The following CFAP54 variants were observed in gnomAD, a reference collection of about 807,000 sequenced individuals.
The protein encoded by CFAP54 is cilia- and flagella-associated protein 54.
CFAP54 carries 290 observed loss-of-function variants against 370.4 expected under a neutral mutation model. The observed-to-expected ratio is 0.78, with a 90% CI of 0.71 to 0.86. The LOEUF is 0.86. Ranked by LOEUF, CFAP54 falls within the 40% of genes least tolerant of loss-of-function variation. CFAP54 has a pLI of 0.00. For synonymous variants in CFAP54, 1,206 were observed against 1,236.5 expected, an observed-to-expected ratio of 0.98 and a Z score of 0.52; for missense variants, 3,399 against 3,528.7, an observed-to-expected ratio of 0.96 and a Z score of 0.93.
chr12:96,817,711 C>A (rs764767279), intron 64 of CFAP54, 64 bp from the exon 65 acceptor site: 3 of 1,136,570 alleles, frequency 2.6e-6, no homozygotes, highest in South Asian at 4.7e-5. Context: ...TGAGCCACCA[C>A]GCCCGGCCAT....
At chr12:96,704,553 GT>G (rs1282026540) in intron 46 of CFAP54, among the ~76,000 whole-genome samples, 189 bp from the exon 47 acceptor site, 20 of 134,848 alleles carry the variant, frequency 1.5e-4, no homozygotes, top group Non-Finnish European at 2.2e-4. Flanking sequence ...TATTAACATT[GT>G]AATTCTTAAA....
intron 38 of CFAP54, among the ~76,000 whole-genome samples, chr12:96,663,388 T>C (rs1182831138): frequency 6.6e-6 from 1 of 152,210 alleles, no homozygotes; most frequent in Non-Finnish European, 1.5e-5. Flanking sequence ...TTAGGACTCA[T>C]ATCTGTTAGA....
At chr12:96,725,872 G>A (rs1261830085) in intron 50 of CFAP54, among the ~76,000 whole-genome samples, 1 of 151,176 alleles carries the variant, frequency 6.6e-6, no homozygotes, top group Non-Finnish European at 1.5e-5. Flanking sequence ...TTTATTGAGA[G>A]TTTTTAGCAT....
At chr12:96,571,554 G>A (rs1955917479) in intron 19 of CFAP54, among the ~76,000 whole-genome samples, 1 of 152,290 alleles carries the variant, frequency 6.6e-6, no homozygotes, top group East Asian at 1.9e-4. Flanking sequence ...GATACGTCAT[G>A]GAAAGTCTAC....
Position 96,691,126 on chromosome 12 carries a change from A to G in CFAP54, c.6082-2A>G. The G allele has an allele frequency of 6.2e-7, 1 of 1,608,814 alleles. No homozygotes were observed. On this transcript the variant is annotated splice_acceptor_variant, in intron 43 of 67. Transcript: ENST00000524981. LOFTEE classifies it high-confidence loss of function. ...TTATATTTCACTTTTTTTCATTTTC[A>G]GGGTTTGCTTAGAACAACACTTCCA... is the stretch of plus-strand genomic sequence containing the variant.
At chr12:96,649,304 A>G (rs1183630547) in intron 34 of CFAP54, among the ~76,000 whole-genome samples, 1 of 152,216 alleles carries the variant, frequency 6.6e-6, no homozygotes, top group East Asian at 1.9e-4. Flanking sequence ...AGATTTTAGT[A>G]TACAGCTTCC....
chr12:96,848,608 G>T (rs1959436505), intron 66 of CFAP54, among the ~76,000 whole-genome samples: 2 of 152,132 alleles, frequency 1.3e-5, no homozygotes, highest in Middle Eastern at 3.2e-3. Flanking sequence ...GTGGCAGGAA[G>T]AATCACTTGA....
At position 96,794,808 on chromosome 12, in the gene CFAP54, G is replaced by T. The variant is rs192440865; in HGVS notation, c.8850+2309G>T. Among the ~76,000 whole-genome samples the T allele has an allele frequency of 2.7e-3, 405 of 152,232 alleles. 1 individual carries two copies. The highest frequency in any genetic ancestry group is 9.2e-3 in the African/African-American group (381 of 41,526). On this transcript the variant is annotated intron_variant, in intron 63 of 67. Coordinates refer to ENST00000524981, the MANE Select transcript of CFAP54 (RefSeq NM_001306084.2). ...AGAGGGATCTTCTGGGGGTGTTAAA[G>T]AATCTTGTTTTGTCATATTACCAGA...
At chr12:96,846,674 G>T (rs543730500) in intron 66 of CFAP54, among the ~76,000 whole-genome samples, 22 of 152,260 alleles carry the variant, frequency 1.4e-4, no homozygotes, top group African/African-American at 5.1e-4. Flanking sequence ...TATGCCCATG[G>T]TGGAGGTGAT....
rs548462550 is a variant in CFAP54, at chr12:96,750,630, C to T, written c.7685-3113C>T. ...TCTACAGTTTCTTCAATTATCAGGACATTTGATTTCTACAGGAGCTTAAAA... is the reference window on the plus strand; with the variant it reads ...TCTACAGTTTCTTCAATTATCAGGATATTTGATTTCTACAGGAGCTTAAAA... On this transcript the variant is annotated intron_variant, in intron 55 of 67. Coordinates refer to ENST00000524981, the MANE Select transcript of CFAP54 (RefSeq NM_001306084.2). 2.0e-5 allele frequency among the ~76,000 whole-genome samples: 3 copies of T among 152,274 alleles called. No individual in the cohort carries two copies. The South Asian group carries it at 6.2e-4, about 32-fold the overall frequency.
intron 39 of CFAP54, among the ~76,000 whole-genome samples, chr12:96,674,833 A>C (rs1481687755): frequency 6.6e-6 from 1 of 152,114 alleles, no homozygotes; most frequent in Non-Finnish European, 1.5e-5. Context: ...ACTTGTGAGC[A>C]CTCAATTTAT....
rs148618365 is a variant in CFAP54, at chr12:96,683,993, T to C, written c.5717-655T>C. 5.4e-3 allele frequency among the ~76,000 whole-genome samples: 820 copies of C among 152,316 alleles called. 1 individual carries two copies. Among genetic ancestry groups the C allele is most frequent in the Non-Finnish European group, 9.4e-3 (640 of 68,032 alleles). ...TTTTAGTAGAGACGGGGTTTCACCA[T>C]GTTGACCAGGCTGGTCTTGAACTTC... On this transcript the variant is annotated intron_variant, in intron 40 of 67. Transcript: ENST00000524981.
intron 38 of CFAP54, among the ~76,000 whole-genome samples, chr12:96,659,747 G>A (rs1486855515): frequency 2.0e-5 from 3 of 152,170 alleles, no homozygotes; most frequent in African/African-American, 4.8e-5. Flanking sequence ...GCATACAGTT[G>A]TACTGTGGGT....
At chr12:96,507,482 T>C (rs990796352) in intron 4 of CFAP54, among the ~76,000 whole-genome samples, 3 of 151,580 alleles carry the variant, frequency 2.0e-5, no homozygotes, top group African/African-American at 7.3e-5. Flanking sequence ...CAAAGTGACC[T>C]CCTCCTACTT....
chr12:96,642,641 A>G (rs975929252), intron 32 of CFAP54, among the ~76,000 whole-genome samples: 2 of 152,160 alleles, frequency 1.3e-5, no homozygotes, highest in African/African-American at 4.8e-5. Context: ...GCTAATGTCA[A>G]TACGCTAGCT....
intron 65 of CFAP54, among the ~76,000 whole-genome samples, chr12:96,828,317 G>A (rs1959151487): frequency 6.6e-6 from 1 of 151,738 alleles, no homozygotes; most frequent in Admixed American, 6.6e-5. Flanking sequence ...AAACAGTGGA[G>A]TCACAGAAAT....
At chr12:96,579,543 T>C (rs1206208626) in intron 20 of CFAP54, among the ~76,000 whole-genome samples, 1 of 152,122 alleles carries the variant, frequency 6.6e-6, no homozygotes, top group Non-Finnish European at 1.5e-5. Context: ...TAAGACGTAG[T>C]TGTATTTAGA....
chr12:96,633,696 G>T (rs1362163485), intron 32 of CFAP54, among the ~76,000 whole-genome samples: 1 of 152,106 alleles, frequency 6.6e-6, no homozygotes, highest in Non-Finnish European at 1.5e-5. Flanking sequence ...CATTTAGATT[G>T]TTTCTAATCC....
chr12:96,785,943 CT>C (rs2136694983), intron 61 of CFAP54, among the ~76,000 whole-genome samples: 1 of 152,292 alleles, frequency 6.6e-6, no homozygotes, highest in Admixed American at 6.5e-5. Flanking sequence ...GGACTGAGCC[CT>C]CACTGCCCAA....
Sources: allele counts gnomAD v4.1 joint callset (sites outside exome capture counted in the v4.1 genomes callset), GRCh38; gene constraint gnomAD v4.1.1; transcripts MANE v1.5; gene names NCBI Gene and HGNC (gene_info 2026-07-23, HGNC 2026-07-21).